KHDRBS2: variants seen among roughly 807,000 people sequenced by gnomAD.
KHDRBS2 encodes KH RNA binding domain containing, signal transduction associated 2.
Under a neutral mutation model 44.3 loss-of-function variants are expected in KHDRBS2, and 26 were observed. That is an observed-to-expected ratio of 0.59 (90% CI 0.43 to 0.81). The LOEUF (loss-of-function observed/expected upper bound fraction) is 0.81. Ranked by LOEUF, KHDRBS2 falls within the 40% of genes least tolerant of loss-of-function variation. KHDRBS2 has a pLI of 0.00. For missense variants in KHDRBS2, 476 were observed against 433.1 expected, an observed-to-expected ratio of 1.10 and a Z score of -0.88; for synonymous variants, 194 against 151.1, an observed-to-expected ratio of 1.28 and a Z score of -2.08.
At position 61,842,635 on chromosome 6, in the gene KHDRBS2, C is replaced by T. The variant is rs116050413; in HGVS notation, c.810+52000G>A. ...GAGTAATTGGAACCCTCATACATTG[C>T]TATTGAGAATATGAAATAGTGCAGC... On this transcript the variant is annotated intron_variant, in intron 6 of 8. Coordinates refer to ENST00000281156, the MANE Select transcript of KHDRBS2 (RefSeq NM_152688.4). 2.3e-3 allele frequency among the ~76,000 whole-genome samples: 344 copies of T among 152,202 alleles called. 1 individual carries two copies. The highest frequency in any genetic ancestry group is 7.7e-3 in the African/African-American group (319 of 41,534).
intron 1 of KHDRBS2, among the ~76,000 whole-genome samples, chr6:62,193,503 C>T (rs1825022229): frequency 6.6e-6 from 1 of 151,944 alleles, no homozygotes; most frequent in Non-Finnish European, 1.5e-5. Context: ...AATTTAAGGG[C>T]TTGATATTTG....
At chr6:61,722,697 T>C (rs1423214095) in intron 7 of KHDRBS2, among the ~76,000 whole-genome samples, 1 of 149,990 alleles carries the variant, frequency 6.7e-6, no homozygotes, top group Non-Finnish European at 1.5e-5. Flanking sequence ...TGGAGGATGA[T>C]TCTAATTATA....
chr6:61,749,009 C>CTTTTTTTTTTTTTTTTT (rs34423906), intron 6 of KHDRBS2, among the ~76,000 whole-genome samples: 46 of 97,220 alleles, frequency 4.7e-4, no homozygotes, highest in Admixed American at 6.6e-4. Flanking sequence ...TTCTTTCTTT[C>CTTTTTTTTTTTTTTTTT]TTTTTTTTTT....
intron 2 of KHDRBS2, among the ~76,000 whole-genome samples, chr6:62,086,955 A>C (rs1798504983): frequency 6.6e-6 from 1 of 151,908 alleles, no homozygotes; most frequent in Non-Finnish European, 1.5e-5. Context: ...AAAAAAAAAA[A>C]GGAAAAGATA....
intron 2 of KHDRBS2, among the ~76,000 whole-genome samples, chr6:62,122,123 C>T (rs1584828647): frequency 1.3e-5 from 2 of 152,266 alleles, no homozygotes; most frequent in African/African-American, 4.8e-5. Flanking sequence ...GTCTAGACTG[C>T]TGTGCAAGCT....
chr6:61,607,841 C>T, the KHDRBS2 span, among the ~76,000 whole-genome samples: 6 of 152,114 alleles, frequency 3.9e-5, no homozygotes, highest in African/African-American at 9.7e-5. Flanking sequence ...CTGTGCACCA[C>T]CACGCCTGGC....
At chr6:61,664,094 G>C in the KHDRBS2 span, among the ~76,000 whole-genome samples, 1 of 151,748 alleles carries the variant, frequency 6.6e-6, no homozygotes, top group East Asian at 2.0e-4. Context: ...CTTAACCTTT[G>C]TATTTCAATT....
intron 6 of KHDRBS2, among the ~76,000 whole-genome samples, chr6:61,745,574 C>T (rs1001806954): frequency 5.9e-5 from 9 of 152,154 alleles, no homozygotes; most frequent in African/African-American, 2.2e-4. Context: ...TTCTAATACA[C>T]TCACCAGAAA....
chr6:61,776,671 C>A (rs1428846694), intron 6 of KHDRBS2, among the ~76,000 whole-genome samples: 1 of 152,150 alleles, frequency 6.6e-6, no homozygotes, highest in African/African-American at 2.4e-5. Context: ...GAAATAGGAA[C>A]ACTTTTACAC....
At chr6:62,066,792 C>T (rs1434688335) in intron 2 of KHDRBS2, among the ~76,000 whole-genome samples, 3 of 151,516 alleles carry the variant, frequency 2.0e-5, no homozygotes, top group Non-Finnish European at 1.5e-5. Context: ...AATATAAATT[C>T]ATTTCCAAGT....
chr6:62,065,494 G>T (rs1196857599), intron 2 of KHDRBS2, among the ~76,000 whole-genome samples: 1 of 151,592 alleles, frequency 6.6e-6, no homozygotes, highest in African/African-American at 2.4e-5. Context: ...GGACATGGAT[G>T]AAATTGGAAA....
chr6:62,160,033 A>T (rs912739718), intron 2 of KHDRBS2, among the ~76,000 whole-genome samples: 28 of 152,232 alleles, frequency 1.8e-4, no homozygotes, highest in African/African-American at 6.3e-4. Flanking sequence ...TAAAGTATTT[A>T]TTGAGCACCT....
intron 4 of KHDRBS2, among the ~76,000 whole-genome samples, chr6:61,938,669 C>T (rs1425071710): frequency 2.0e-5 from 3 of 152,038 alleles, no homozygotes; most frequent in Admixed American, 6.6e-5. Flanking sequence ...TAGTAGATTG[C>T]TAAGGGGAGT....
At chr6:61,945,150 T>TATATATATATATATACAC (rs371595813) in intron 4 of KHDRBS2, among the ~76,000 whole-genome samples, 3 of 87,012 alleles carry the variant, frequency 3.4e-5, no homozygotes, top group Non-Finnish European at 4.6e-5. Context: ...TATATATATA[T>TATATATATATATATACAC]ACACACAGAC....
At chr6:62,262,740 C>T (rs1838567367) in intron 1 of KHDRBS2, among the ~76,000 whole-genome samples, 1 of 151,512 alleles carries the variant, frequency 6.6e-6, no homozygotes, top group Non-Finnish European at 1.5e-5. Flanking sequence ...CATGGTTATA[C>T]TCAATTAGTA....
intron 2 of KHDRBS2, among the ~76,000 whole-genome samples, chr6:62,060,087 G>A (rs576168749): frequency 6.6e-6 from 1 of 151,790 alleles, no homozygotes; most frequent in African/African-American, 2.4e-5. Flanking sequence ...GGAGAGAAGG[G>A]TGCTGATGGG....
the KHDRBS2 span, among the ~76,000 whole-genome samples, chr6:61,666,389 C>T: frequency 3.3e-5 from 5 of 151,382 alleles, no homozygotes; most frequent in African/African-American, 1.2e-4. Flanking sequence ...TTCATTTACA[C>T]TGTGTTTCTA....
chr6:61,773,727 G>A (rs1046971985), intron 6 of KHDRBS2, among the ~76,000 whole-genome samples: 2 of 151,818 alleles, frequency 1.3e-5, no homozygotes, highest in African/African-American at 4.9e-5. Flanking sequence ...CCATGCCTAT[G>A]TCCTGAATGG....
intron 4 of KHDRBS2, among the ~76,000 whole-genome samples, chr6:61,971,180 T>C (rs546410197): frequency 6.6e-6 from 1 of 152,250 alleles, no homozygotes; most frequent in East Asian, 1.9e-4. Flanking sequence ...TATGCATCCT[T>C]ACATACACTA....
Sources: gnomAD v4.1 joint callset for allele counts (sites outside exome capture counted in the v4.1 genomes callset) on GRCh38, gnomAD v4.1.1 for gene constraint, MANE v1.5 for transcripts, NCBI Gene and HGNC (gene_info 2026-07-23, HGNC 2026-07-21) for gene names.